The following SDK1 variants were observed in gnomAD, a reference collection of about 807,000 sequenced individuals.
The protein encoded by SDK1 is sidekick cell adhesion molecule 1, also known as protein sidekick-1.
SDK1 carries 157 observed loss-of-function variants against 245.5 expected under a neutral mutation model. That is an observed-to-expected ratio of 0.64 (90% CI 0.56 to 0.73). The LOEUF (loss-of-function observed/expected upper bound fraction) is 0.73. Ranked by LOEUF, SDK1 falls within the 30% of genes least tolerant of loss-of-function variation. The pLI, the probability that SDK1 is intolerant of heterozygous loss-of-function variation, is 0.00. For missense variants in SDK1, 3,583 were observed against 3,002.3 expected (o/e 1.19, Z -4.52); for synonymous variants, 1,647 against 1,278.5 (o/e 1.29, Z -6.15).
chr7:3,700,502 C>T (rs1784709804), intron 4 of SDK1, among the ~76,000 whole-genome samples: 1 of 152,060 alleles, frequency 6.6e-6, no homozygotes, highest in South Asian at 2.1e-4. Flanking sequence ...CACCATAAGC[C>T]TTGTGGATAT....
At chr7:3,946,071 G>C (rs796576089) in intron 5 of SDK1, among the ~76,000 whole-genome samples, 1 of 151,418 alleles carries the variant, frequency 6.6e-6, no homozygotes, top group Non-Finnish European at 1.5e-5. Context: ...AAACAGAGGG[G>C]AGAAAATTAT....
chr7:3,555,233 G>A (rs1779550030), intron 1 of SDK1, among the ~76,000 whole-genome samples: 1 of 152,054 alleles, frequency 6.6e-6, no homozygotes, highest in African/African-American at 2.4e-5. Flanking sequence ...ATAAAAATAG[G>A]CAAGTTGACC....
chr7:3,695,027 T>C (rs1353253020), intron 4 of SDK1, among the ~76,000 whole-genome samples: 1 of 152,144 alleles, frequency 6.6e-6, no homozygotes, highest in Non-Finnish European at 1.5e-5. Context: ...GGTATAAAGG[T>C]GTTTCATTGG....
intron 4 of SDK1, among the ~76,000 whole-genome samples, chr7:3,813,319 T>A (rs1472507185): frequency 6.9e-6 from 1 of 143,940 alleles, no homozygotes; most frequent in Non-Finnish European, 1.5e-5. Context: ...TGTCCATGTG[T>A]TCTCATTGTT....
chr7:3,317,860 T>C (rs1364546052), intron 1 of SDK1, among the ~76,000 whole-genome samples: 1 of 152,230 alleles, frequency 6.6e-6, no homozygotes, highest in Non-Finnish European at 1.5e-5. Flanking sequence ...TTCCAGTTTT[T>C]TAAGTTTTTG....
intron 13 of SDK1, among the ~76,000 whole-genome samples, chr7:3,985,874 A>G (rs1333792868): frequency 6.6e-6 from 1 of 152,236 alleles, no homozygotes; most frequent in Non-Finnish European, 1.5e-5. Context: ...TACATTTTTA[A>G]AATTAAAAAT....
intron 1 of SDK1, among the ~76,000 whole-genome samples, chr7:3,571,695 T>C (rs1375722545): frequency 6.6e-6 from 1 of 152,092 alleles, no homozygotes; most frequent in Non-Finnish European, 1.5e-5. Context: ...AAAACCTTTT[T>C]GAAGTAATCT....
intron 40 of SDK1, among the ~76,000 whole-genome samples, chr7:4,225,398 C>G (rs1417761548): frequency 6.6e-6 from 1 of 152,216 alleles, no homozygotes; most frequent in Non-Finnish European, 1.5e-5. Flanking sequence ...TTTGAGCACT[C>G]TTGTGTGGGA....
At chr7:3,552,524 T>C (rs1203245427) in intron 1 of SDK1, among the ~76,000 whole-genome samples, 1 of 152,218 alleles carries the variant, frequency 6.6e-6, no homozygotes, top group Non-Finnish European at 1.5e-5. Flanking sequence ...GCTCATATAT[T>C]CATTTATGAT....
intron 1 of SDK1, among the ~76,000 whole-genome samples, chr7:3,365,565 A>C (rs936692356): frequency 6.6e-6 from 1 of 152,218 alleles, no homozygotes; most frequent in African/African-American, 2.4e-5. Context: ...AATGATATCA[A>C]CTTATTTGCT....
chr7:3,848,587 A>G lies in SDK1; in HGVS notation c.847+27004A>G, dbSNP rs559353320. 3.3e-5 allele frequency among the ~76,000 whole-genome samples: 5 copies of G among 152,278 alleles called. No homozygotes were observed. In the South Asian group the frequency reaches 1.0e-3, roughly 32 times the overall value. On this transcript the variant is annotated intron_variant, in intron 5 of 44. Transcript: ENST00000404826. ...AACTGCCTGTGTTTGAAAAGTTCAT[A>G]GAGTACACACTTAGCCCCAGGGGAA...
At chr7:3,729,656 CT>C (rs1427166466) in intron 4 of SDK1, among the ~76,000 whole-genome samples, 2 of 152,274 alleles carry the variant, frequency 1.3e-5, no homozygotes, top group East Asian at 1.9e-4. Flanking sequence ...TGTATATATA[CT>C]TAATTTTGTT....
At chr7:3,643,528 G>A (rs1387851191) in intron 4 of SDK1, 1 of 134,970 alleles carries the variant, frequency 7.4e-6, no homozygotes. Context: ...TAAACCTCGT[G>A]ATTCTTGTCT....
chr7:3,809,080 G>A (rs776330767), intron 4 of SDK1, among the ~76,000 whole-genome samples: 28 of 152,082 alleles, frequency 1.8e-4, no homozygotes, highest in Non-Finnish European at 4.0e-4. Context: ...TTGGCTCGTA[G>A]ATCTGCAGGC....
chr7:3,858,093 T>G (rs1051029739), intron 5 of SDK1, among the ~76,000 whole-genome samples: 11 of 152,206 alleles, frequency 7.2e-5, no homozygotes, highest in African/African-American at 2.4e-4. Flanking sequence ...AATGAATGGT[T>G]TAAACCATAG....
chr7:4,202,102 T>G (rs1179062221), intron 35 of SDK1, among the ~76,000 whole-genome samples: 1 of 152,074 alleles, frequency 6.6e-6, no homozygotes, highest in Non-Finnish European at 1.5e-5. Context: ...CCAGGAAACA[T>G]CCACATCCCT....
intron 5 of SDK1, among the ~76,000 whole-genome samples, chr7:3,857,957 T>C (rs1239759598): frequency 1.3e-5 from 2 of 152,120 alleles, no homozygotes; most frequent in Non-Finnish European, 2.9e-5. Context: ...ACAAATAGTG[T>C]GATATACCAT....
At chr7:3,743,800 C>T (rs1311148712) in intron 4 of SDK1, among the ~76,000 whole-genome samples, 1 of 151,974 alleles carries the variant, frequency 6.6e-6, no homozygotes, top group African/African-American at 2.4e-5. Context: ...AAAACTTCTG[C>T]TTGGATATCA....
At chr7:3,319,132 G>C (rs906059830) in intron 1 of SDK1, among the ~76,000 whole-genome samples, 1 of 152,166 alleles carries the variant, frequency 6.6e-6, no homozygotes, top group Non-Finnish European at 1.5e-5. Flanking sequence ...TGAATGATAT[G>C]CAGGGTGTGG....
Sources: gnomAD v4.1 joint callset for allele counts (sites outside exome capture counted in the v4.1 genomes callset) on GRCh38, gnomAD v4.1.1 for gene constraint, MANE v1.5 for transcripts, NCBI Gene and HGNC (gene_info 2026-07-23, HGNC 2026-07-21) for gene names.